Variants in TYR observed in about 807,000 individuals in gnomAD.
TYR encodes LB24-AB.
In TYR, 58 loss-of-function variants were observed where a neutral mutation model predicts 51.5. The ratio of observed to expected loss-of-function variants is 1.13; its 90% CI spans 0.91 to 1.40. The LOEUF is 1.40. TYR is among the 40% of genes most tolerant of loss of function. The pLI is 0.00. For missense variants in TYR, 732 were observed against 647.4 expected, an observed-to-expected ratio of 1.13 and a Z score of -1.42; for synonymous variants, 263 against 235.2, an observed-to-expected ratio of 1.12 and a Z score of -1.08.
intron 1 of TYR, among the ~76,000 whole-genome samples, chr11:89,188,913 A>G (rs12418383): frequency 6.6e-6 from 1 of 151,890 alleles, no homozygotes; most frequent in South Asian, 2.1e-4. Context: ...TGCATCAGTC[A>G]GGATCTCAGT....
chr11:89,295,211 C>G lies in TYR; in HGVS notation c.1435C>G (p.Leu479Val). ...AGCGAGTCGGATCTGGTCATGGCTC[C>G]TTGGGGCGGCGATGGTAGGGGCCGT... ...EQASRIWSWLLGAAMVGAVLT... is the reference protein window; with the variant it reads ...EQASRIWSWLVGAAMVGAVLT... The change falls in exon 5 of 5, where the codon CTT becomes GTT. Residue 479 changes from leucine (L) to valine (V), a missense_variant. Leu to Val is a conservative substitution (Grantham distance 32). Transcript: ENST00000263321. The G allele has an allele frequency of 6.2e-7, 1 of 1,613,976 alleles. No individual in the cohort carries two copies. Among genetic ancestry groups the G allele is most frequent in the Non-Finnish European group, 8.5e-7 (1 of 1,179,872 alleles).
In TYR at chr11:89,204,848, C is replaced by T. The variant is rs182754981; in HGVS notation, c.1036+13430C>T. ...TTAAAAAAAAAAAAAAGACAGCAGA[C>T]GTTAACACTGAAGTAACAGATATGT... is the stretch of plus-strand genomic sequence containing the variant. On this transcript the variant is annotated intron_variant, in intron 2 of 4. Transcript: ENST00000263321. Among the ~76,000 whole-genome samples the T allele has an allele frequency of 6.7e-5, 10 of 148,736 alleles. No homozygotes were observed. The East Asian group carries it at 1.2e-3, about 18-fold the overall frequency.
chr11:89,260,897 G>C (rs939655504), intron 3 of TYR, among the ~76,000 whole-genome samples: 1 of 152,072 alleles, frequency 6.6e-6, no homozygotes, highest in African/African-American at 2.4e-5. Context: ...GGTGAGTGGT[G>C]AAGTGAGTAT....
chr11:89,266,484 C>A (rs755304775), intron 3 of TYR, among the ~76,000 whole-genome samples: 78 of 151,814 alleles, frequency 5.1e-4, no homozygotes, highest in Non-Finnish European at 9.1e-4. Context: ...GGTACTTAGC[C>A]CCATCATATG....
At chr11:89,201,624 G>T (rs1943600121) in intron 2 of TYR, among the ~76,000 whole-genome samples, 1 of 152,202 alleles carries the variant, frequency 6.6e-6, no homozygotes, top group Non-Finnish European at 1.5e-5. Flanking sequence ...ACACTTGGTT[G>T]CCACTACCTT....
At chr11:89,193,732 G>A (rs867149705) in intron 2 of TYR, among the ~76,000 whole-genome samples, 2 of 151,908 alleles carry the variant, frequency 1.3e-5, no homozygotes, top group African/African-American at 4.8e-5. Flanking sequence ...TTCTTTACCA[G>A]GTACACATTT....
intron 3 of TYR, among the ~76,000 whole-genome samples, chr11:89,233,253 A>G (rs1222378277): frequency 7.0e-6 from 1 of 142,244 alleles, no homozygotes; most frequent in Non-Finnish European, 1.5e-5. Context: ...CATGTGTTCA[A>G]GTTTTATCAT....
intron 3 of TYR, among the ~76,000 whole-genome samples, chr11:89,269,279 T>C (rs1354526831): frequency 6.6e-6 from 1 of 151,934 alleles, no homozygotes; most frequent in African/African-American, 2.4e-5. Flanking sequence ...AGACCTCCCA[T>C]TTACACCCAG....
chr11:89,198,969 T>A (rs1943561511), intron 2 of TYR, among the ~76,000 whole-genome samples: 1 of 152,016 alleles, frequency 6.6e-6, no homozygotes, highest in Non-Finnish European at 1.5e-5. Flanking sequence ...GTCCAAGCGT[T>A]CTCATTGTTC....
At chr11:89,181,749 G>T (rs968347101) in intron 1 of TYR, among the ~76,000 whole-genome samples, 11 of 152,160 alleles carry the variant, frequency 7.2e-5, no homozygotes, top group African/African-American at 2.7e-4. Context: ...AGCCTAAAAT[G>T]GTAGGATGAT....
chr11:89,197,318 C>T (rs1943533647), intron 2 of TYR, among the ~76,000 whole-genome samples: 2 of 152,066 alleles, frequency 1.3e-5, no homozygotes, highest in Admixed American at 1.3e-4. Context: ...CATTATAGGC[C>T]TCTAGGAATA....
Position 89,245,795 on chromosome 11 carries a change from A to G in TYR, c.1184+17825A>G, listed in dbSNP as rs192244904. Among the ~76,000 whole-genome samples, 192 of 152,010 alleles carry G rather than the reference A, an allele frequency of 1.3e-3. 1 individual carries two copies. Among genetic ancestry groups the G allele is most frequent in the Non-Finnish European group, 1.0e-3 (71 of 67,952 alleles). On this transcript the variant is annotated intron_variant, in intron 3 of 4. Transcript: ENST00000263321. ...AAATTAGCTGGGCTTGGTGGTGGGC[A>G]CCTGTAGTCCCAGCTACTTGGGAGG...
chr11:89,212,976 C>G (rs753908630), intron 2 of TYR, among the ~76,000 whole-genome samples: 3 of 152,096 alleles, frequency 2.0e-5, no homozygotes, highest in Non-Finnish European at 4.4e-5. Context: ...AACCCGCAGC[C>G]AATATTATAC....
chr11:89,248,722 C>T (rs533820149), intron 3 of TYR, among the ~76,000 whole-genome samples: 1 of 152,110 alleles, frequency 6.6e-6, no homozygotes, highest in Non-Finnish European at 1.5e-5. Flanking sequence ...GTTGTCTTGG[C>T]TATTGTGACA....
At chr11:89,193,652 C>T (rs182815918) in intron 2 of TYR, among the ~76,000 whole-genome samples, 81 of 152,198 alleles carry the variant, frequency 5.3e-4, no homozygotes, top group African/African-American at 1.7e-3. Flanking sequence ...TTATCCATGC[C>T]TGTTGTATGA....
chr11:89,265,581 G>A (rs776991540), intron 3 of TYR, among the ~76,000 whole-genome samples: 1 of 151,970 alleles, frequency 6.6e-6, no homozygotes, highest in East Asian at 1.9e-4. Context: ...TTTATATTCT[G>A]GAGTCTTCTT....
chr11:89,227,898 A>C lies in TYR; in HGVS notation c.1112A>C (p.Asn371Thr), dbSNP rs61754387. 6 of 1,613,690 alleles carry C rather than the reference A, an allele frequency of 3.7e-6. No homozygotes were observed. The highest frequency in any genetic ancestry group is 4.2e-6 in the Non-Finnish European group (5 of 1,179,770). Residue 371 changes from asparagine (N) to threonine (T), a missense_variant, in exon 3 of 5, where the codon AAT (asparagine) becomes ACT (threonine). Physicochemically the swap from Asn to Thr is moderately conservative, Grantham distance 65. Coordinates refer to ENST00000263321, the MANE Select transcript of TYR (RefSeq NM_000372.5). ...SMHNALHIYM[N>T]GTMSQVQGSA... ...CACAATGCCTTGCACATCTATATGAATGGAACAATGTCCCAGGTACAGGGA... is the reference window on the plus strand; with the variant it reads ...CACAATGCCTTGCACATCTATATGACTGGAACAATGTCCCAGGTACAGGGA...
At chr11:89,252,244 T>C (rs1251005786) in intron 3 of TYR, among the ~76,000 whole-genome samples, 4 of 151,730 alleles carry the variant, frequency 2.6e-5, no homozygotes, top group African/African-American at 9.7e-5. Flanking sequence ...AATAGGAAAA[T>C]TTATTTTACA....
At chr11:89,208,434 A>G (rs1453654832) in intron 2 of TYR, among the ~76,000 whole-genome samples, 1 of 152,226 alleles carries the variant, frequency 6.6e-6, no homozygotes, top group Non-Finnish European at 1.5e-5. Flanking sequence ...ATGCATAAAC[A>G]TCAAGAGAAC....
Sources: gnomAD v4.1 joint callset for allele counts (sites outside exome capture counted in the v4.1 genomes callset) on GRCh38, gnomAD v4.1.1 for gene constraint, MANE v1.5 for transcripts, NCBI Gene and HGNC (gene_info 2026-07-23, HGNC 2026-07-21) for gene names.